The following MAGI1 variants were observed in gnomAD, a reference collection of about 807,000 sequenced individuals.
MAGI1 encodes membrane-associated guanylate kinase, WW and PDZ domain-containing protein 1.
In MAGI1, 58 loss-of-function variants were observed where a neutral mutation model predicts 139.9. That is an observed-to-expected ratio of 0.41 (90% CI 0.34 to 0.52). The LOEUF is 0.52. Among genes scored for constraint, MAGI1 ranks in the 20% least tolerant of loss-of-function variants. MAGI1 has a pLI of 0.12. For synonymous variants in MAGI1, 812 were observed against 737.9 expected, an observed-to-expected ratio of 1.10 and a Z score of -1.63; for missense variants, 1,874 against 1,901.6, an observed-to-expected ratio of 0.99 and a Z score of 0.27.
chr3:65,382,932 A>G (rs1469331354), intron 15 of MAGI1, among the ~76,000 whole-genome samples: 1 of 152,230 alleles, frequency 6.6e-6, no homozygotes, highest in African/African-American at 2.4e-5. Context: ...TATTACCACA[A>G]GGAAATTAAC....
At chr3:65,930,241 G>A (rs1057387532) in intron 1 of MAGI1, among the ~76,000 whole-genome samples, 17 of 148,406 alleles carry the variant, frequency 1.1e-4, no homozygotes, top group African/African-American at 4.2e-4. Flanking sequence ...ACGTGAACCC[G>A]GGAGGCGGAG....
rs2079208146 is a variant in MAGI1 at position 65,541,303 on chromosome 3, C to T, written c.431-47672G>A. 2.0e-5 allele frequency among the ~76,000 whole-genome samples: 3 copies of T among 152,004 alleles called. No individual in the cohort carries two copies. The South Asian group carries it at 6.2e-4, about 32-fold the overall frequency. ...AATAACCTACTAACCAAAAAAAGCC[C>T]AGGACAAGACAGATTCACAGCCAAA... On this transcript the variant is annotated intron_variant, in intron 2 of 22. Transcript: ENST00000402939.
chr3:65,922,575 A>G (rs947307804), intron 1 of MAGI1, among the ~76,000 whole-genome samples: 1 of 152,220 alleles, frequency 6.6e-6, no homozygotes, highest in African/African-American at 2.4e-5. Context: ...AGATCCTTCA[A>G]AGGAAGCAAG....
At chr3:65,701,636 C>T (rs931098847) in intron 1 of MAGI1, among the ~76,000 whole-genome samples, 3 of 152,038 alleles carry the variant, frequency 2.0e-5, no homozygotes, top group African/African-American at 7.3e-5. Context: ...AAGACAGACC[C>T]CAAATAAAGG....
chr3:65,575,334 A>T (rs75640475), intron 2 of MAGI1, among the ~76,000 whole-genome samples: 16,566 of 152,104 alleles, frequency 0.11, 1,265 homozygotes, highest in African/African-American at 0.21. Context: ...TGAGGTACCA[A>T]GATATACTAT....
At chr3:66,028,604 G>A (rs2068424628) in intron 1 of MAGI1, among the ~76,000 whole-genome samples, 1 of 152,084 alleles carries the variant, frequency 6.6e-6, no homozygotes. Flanking sequence ...CCATTCTCAA[G>A]AATCATCGTT....
chr3:65,989,519 C>T (rs761680839), intron 1 of MAGI1, among the ~76,000 whole-genome samples: 2 of 152,022 alleles, frequency 1.3e-5, no homozygotes, highest in Non-Finnish European at 2.9e-5. Context: ...ATTTGTAATA[C>T]CAGACATAAA....
At chr3:65,805,172 T>C (rs2040771439) in intron 1 of MAGI1, among the ~76,000 whole-genome samples, 1 of 151,976 alleles carries the variant, frequency 6.6e-6, no homozygotes, top group African/African-American at 2.4e-5. Context: ...TGGGAGAAAA[T>C]TTTTGAAATC....
chr3:65,509,115 G>A (rs2107738675), intron 2 of MAGI1, among the ~76,000 whole-genome samples: 1 of 152,286 alleles, frequency 6.6e-6, no homozygotes, highest in South Asian at 2.1e-4. Flanking sequence ...TTGCCCAGAG[G>A]GAAGCAAAGA....
intron 1 of MAGI1, among the ~76,000 whole-genome samples, chr3:65,838,736 G>T (rs1193881984): frequency 6.6e-6 from 1 of 152,182 alleles, no homozygotes; most frequent in African/African-American, 2.4e-5. Flanking sequence ...TCTCTAGGGT[G>T]AATGCCTAGG....
chr3:65,895,472 GT>G (rs2060930425), intron 1 of MAGI1, among the ~76,000 whole-genome samples: 4 of 152,166 alleles, frequency 2.6e-5, no homozygotes, highest in Non-Finnish European at 5.9e-5. Context: ...ATTCTCAAAA[GT>G]ACTACAATTC....
chr3:65,967,715 C>T (rs2064824398), intron 1 of MAGI1, among the ~76,000 whole-genome samples: 1 of 152,208 alleles, frequency 6.6e-6, no homozygotes, highest in South Asian at 2.1e-4. Context: ...ACAAAGAATG[C>T]AGTGGTCCAA....
At chr3:65,416,565 T>C (rs1946231659) in intron 12 of MAGI1, among the ~76,000 whole-genome samples, 1 of 152,190 alleles carries the variant, frequency 6.6e-6, no homozygotes, top group Admixed American at 6.5e-5. Flanking sequence ...AATGAGAGAA[T>C]AGCACGGTGC....
At chr3:65,968,877 C>T (rs1176029218) in intron 1 of MAGI1, among the ~76,000 whole-genome samples, 2 of 152,056 alleles carry the variant, frequency 1.3e-5, no homozygotes, top group South Asian at 2.1e-4. Context: ...CATAACATCC[C>T]TGTAAGTTTC....
rs2083030188 is a variant in MAGI1 at position 65,610,805 on chromosome 3, G to GTA, written c.430+11165_430+11166dup. On this transcript the variant is annotated intron_variant, in intron 2 of 22. Transcript: ENST00000402939. ...TATATAGTATATATAGTATATATAGGTATATATAGTATATAGTATATATAC... is the reference window on the plus strand; with the variant it reads ...TATATAGTATATATAGTATATATAGGTATATATATAGTATATAGTATATATAC... 3.3e-5 allele frequency among the ~76,000 whole-genome samples: 3 copies of GTA among 91,598 alleles called. 1 individual carries two copies. In the South Asian group the frequency reaches 8.7e-4, roughly 27 times the overall value. The allele number at this position is 91,598 out of a possible 152,430, so 60.1% of individuals were successfully genotyped here.
At chr3:65,668,929 T>C (rs187151379) in intron 1 of MAGI1, among the ~76,000 whole-genome samples, 44 of 151,884 alleles carry the variant, frequency 2.9e-4, no homozygotes, top group Admixed American at 2.8e-3. Context: ...TACATTATCT[T>C]TATTTATTTG....
At chr3:65,537,213 T>A (rs2079001111) in intron 2 of MAGI1, among the ~76,000 whole-genome samples, 1 of 152,134 alleles carries the variant, frequency 6.6e-6, no homozygotes, top group South Asian at 2.1e-4. Flanking sequence ...AACACATTTA[T>A]TCCAACATGC....
intron 2 of MAGI1, among the ~76,000 whole-genome samples, chr3:65,498,640 C>T (rs1174064535): frequency 1.3e-5 from 2 of 152,268 alleles, no homozygotes; most frequent in African/African-American, 4.8e-5. Context: ...TGCCCAAGGT[C>T]ACATAACAAG....
At chr3:65,569,876 GA>G (rs1291129750) in intron 2 of MAGI1, among the ~76,000 whole-genome samples, 147 of 141,586 alleles carry the variant, frequency 1.0e-3, no homozygotes, top group Middle Eastern at 3.6e-3. Context: ...CCCTGTCTCA[GA>G]AAAAAAAAAA....
Sources: gnomAD v4.1 joint callset for allele counts (sites outside exome capture counted in the v4.1 genomes callset) on GRCh38, gnomAD v4.1.1 for gene constraint, MANE v1.5 for transcripts, NCBI Gene and HGNC (gene_info 2026-07-23, HGNC 2026-07-21) for gene names.